Variants in ZNF426 observed in about 807,000 individuals in gnomAD.
The protein encoded by ZNF426 is CTC-543D15.7.
ZNF426 carries 23 observed loss-of-function variants against 24.0 expected under a neutral mutation model. The ratio of observed to expected loss-of-function variants is 0.96; its 90% CI spans 0.69 to 1.36. The LOEUF is 1.36. Ranked by LOEUF, ZNF426 falls within the 40% of genes most tolerant of loss-of-function variation. The pLI, the probability that ZNF426 is intolerant of heterozygous loss-of-function variation, is 0.00. For missense variants in ZNF426, 646 were observed against 658.4 expected (o/e 0.98, Z 0.21); for synonymous variants, 272 against 224.6 (o/e 1.21, Z -1.89).
At chr19:9,536,617 G>T in intron 2 of ZNF426, 1 of 266,412 alleles carries the variant, frequency 3.8e-6, no homozygotes, top group Non-Finnish European at 7.3e-6. Context: ...TACAAGTTTT[G>T]CACACACACA....
At chr19:9,535,856 A>G (rs892637270) in intron 3 of ZNF426, among the ~76,000 whole-genome samples, 2 of 151,926 alleles carry the variant, frequency 1.3e-5, no homozygotes, top group African/African-American at 2.4e-5. Context: ...AAAAGAAAAG[A>G]AAGAAAATGC....
At chr19:9,536,873 G>T (rs62105682) in intron 2 of ZNF426, among the ~76,000 whole-genome samples, 11,113 of 152,124 alleles carry the variant, frequency 0.073, 464 homozygotes, top group South Asian at 0.16. Flanking sequence ...GGTGGCTCAC[G>T]CCTGTAATCC....
At position 9,527,367 on chromosome 19, in the gene ZNF426, A is replaced by G. The variant is rs1185715035; in HGVS notation, c.*1013T>C. 1 of 152,222 alleles carries G rather than the reference A, an allele frequency of 6.6e-6. No homozygotes were observed. Among genetic ancestry groups the G allele is most frequent in the East Asian group, 1.9e-4 (1 of 5,202 alleles). The allele number at this position is 152,222 out of a possible 1,614,324, so 9.4% of individuals were successfully genotyped here. On this transcript the variant is annotated 3_prime_UTR_variant, in exon 8 of 8. Transcript: ENST00000253115. Reference sequence around the variant, plus strand: ...CCTAATGGGATTTCAGTCCACTCCAAGTTCCAGTATGGTGTATGGGGTCAC... The same window carrying G: ...CCTAATGGGATTTCAGTCCACTCCAGGTTCCAGTATGGTGTATGGGGTCAC...
At chr19:9,536,063 C>G (rs888872) in intron 3 of ZNF426, 145 bp downstream of exon 3, 893,825 of 914,156 alleles carry the variant, frequency 0.98, 437,070 homozygotes, top group East Asian at 1. Flanking sequence ...ACAGGCAGAG[C>G]CTGACTCACA....
Position 9,536,213 on chromosome 19 carries a change from G to A in ZNF426, c.20C>T (p.Ser7Phe), listed in dbSNP as rs202240220. 1.2e-6 allele frequency: 2 copies of A among 1,614,152 alleles called. No homozygotes were observed. Among genetic ancestry groups the A allele is most frequent in the African/African-American group, 1.3e-5 (1 of 75,032 alleles). Reference sequence around the variant, plus strand: ...AAAAGAGCAACAGAGCTTACCATGGGACAAATCAGCAGCTGCCATCCCGCG... The same window carrying A: ...AAAAGAGCAACAGAGCTTACCATGGAACAAATCAGCAGCTGCCATCCCGCG... MAAADL[S>F]HGHYLSGDPV... Residue 7 changes from serine (S) to phenylalanine (F), a missense_variant, in exon 3 of 8, where the codon TCC becomes TTC. Coordinates refer to ENST00000253115, the MANE Select transcript of ZNF426 (RefSeq NM_024106.3).
chr19:9,529,450 A>G lies in ZNF426; in HGVS notation c.595T>C (p.Phe199Leu). 1.2e-6 allele frequency: 2 copies of G among 1,613,938 alleles called. No individual in the cohort carries two copies. The highest frequency in any genetic ancestry group is 3.3e-4 in the Middle Eastern group (2 of 6,062). ...CTGAAGATTTTTTCACTCTGATTAA[A>G]CTCAGAAAGTTTCTCACCAGTAGAG... ...KTSTGEKLSE[F>L]NQSEKIFSLT... is the part of the protein sequence containing the mutation. Residue 199 changes from phenylalanine to leucine, a missense_variant, in exon 8 of 8, where the codon TTT (phenylalanine) becomes CTT (leucine). Coordinates refer to ENST00000253115, the MANE Select transcript of ZNF426 (RefSeq NM_024106.3).
Position 9,529,181 on chromosome 19 carries a change from GC to G in ZNF426, c.863del (p.Gly288AlafsTer96). On this transcript the variant is annotated frameshift_variant, in exon 8 of 8. Coordinates refer to ENST00000253115, the MANE Select transcript of ZNF426 (RefSeq NM_024106.3). LOFTEE classifies it low-confidence loss of function (END_TRUNC). Reference protein sequence around the residue: ...KPYKCKECGKGYRYPAYLSIH... With the variant: ...KPYKCKECGKXYRYPAYLSIH... ...TACTGAGGTAGGCTGGGTATCTATA[GC>G]CTTTTCCACATTCCTTACATTTGTA... The G allele has an allele frequency of 6.2e-7, 1 of 1,614,154 alleles. No individual in the cohort carries two copies. The highest frequency in any genetic ancestry group is 8.5e-7 in the Non-Finnish European group (1 of 1,180,028).
chr19:9,528,153 ATT>A lies in ZNF426; in HGVS notation c.*225_*226del, dbSNP rs2073818467. The A allele has an allele frequency of 2.3e-6, 1 of 426,660 alleles. No individual in the cohort carries two copies. Among genetic ancestry groups the A allele is most frequent in the Non-Finnish European group, 4.1e-6 (1 of 242,128 alleles). 26.4% of individuals were successfully genotyped at this position (426,660 alleles called of 1,614,324 possible). A position where few individuals can be genotyped will look rare whatever the true frequency, so the allele number is the denominator to read the frequency against. The stretch of plus-strand genomic sequence containing the variant: ...ACAGGTGCCCACCACACCTGGCTAA[ATT>A]TTTTGTATTTTCAGTAGAGACAAGG... On this transcript the variant is annotated 3_prime_UTR_variant, in exon 8 of 8. Transcript: ENST00000253115.
At position 9,525,365 on chromosome 19, in the gene ZNF426, A is replaced by T. The variant is rs1368011950; in HGVS notation, c.*3015T>A. Reference sequence around the variant, plus strand: ...ATCTCTCCAGAGTAAATTTTCACACATTCAATAAGGTTTGAGTAACTAGTG... The same window carrying T: ...ATCTCTCCAGAGTAAATTTTCACACTTTCAATAAGGTTTGAGTAACTAGTG... On this transcript the variant is annotated 3_prime_UTR_variant, in exon 8 of 8. Transcript: ENST00000253115. The T allele has an allele frequency of 6.6e-6, 1 of 152,242 alleles. No individual in the cohort carries two copies. The highest frequency in any genetic ancestry group is 6.5e-5 in the Admixed American group (1 of 15,286). The allele number at this position is 152,242 out of a possible 1,614,324, so 9.4% of individuals were successfully genotyped here.
In ZNF426 at chr19:9,529,293, A is replaced by T; in HGVS notation, c.752T>A (p.Leu251His). ...AHMRTHNGEK[L>H]YEWRNYGPGF... is the part of the protein sequence containing the mutation. ...TGGCCCATAATTCCTCCATTCGTAG[A>T]GTTTTTCTCCATTGTGAGTTCTCAT... The change falls in exon 8 of 8, where the codon CTC becomes CAC. Residue 251 changes from leucine to histidine, a missense_variant. By Grantham distance (99) the Leu-to-His change is moderately conservative. Coordinates refer to ENST00000253115, the MANE Select transcript of ZNF426 (RefSeq NM_024106.3). The T allele has an allele frequency of 6.2e-7, 1 of 1,613,876 alleles. No individual in the cohort carries two copies.
chr19:9,535,482 G>A (rs377200316), intron 3 of ZNF426, among the ~76,000 whole-genome samples: 1 of 152,096 alleles, frequency 6.6e-6, no homozygotes, highest in Admixed American at 6.6e-5. Flanking sequence ...TAGGCGAGAA[G>A]TTTGAGATCA....
rs572593883 is a variant in ZNF426, at chr19:9,529,361, G to T, written c.684C>A (p.His228Gln). 1.9e-6 allele frequency: 3 copies of T among 1,614,192 alleles called. No homozygotes were observed. The South Asian group carries it at 3.3e-5, about 18-fold the overall frequency. Residue 228 changes from histidine (H) to glutamine (Q), a missense_variant, in exon 8 of 8, where the codon CAC becomes CAA. Physicochemically the swap from His to Gln is conservative, Grantham distance 24. Coordinates refer to ENST00000253115, the MANE Select transcript of ZNF426 (RefSeq NM_024106.3). ...STQEKSFECS[H>Q]CGKSFINESY... Reference sequence around the variant, plus strand: ...ACTCATTAATGAAGGATTTTCCACAGTGACTACATTCAAATGACTTTTCTT... The same window carrying T: ...ACTCATTAATGAAGGATTTTCCACATTGACTACATTCAAATGACTTTTCTT...
Position 9,528,885 on chromosome 19 carries a change from G to T in ZNF426, c.1160C>A (p.Thr387Asn), listed in dbSNP as rs1171467542. The T allele has an allele frequency of 6.2e-7, 1 of 1,614,156 alleles. No individual in the cohort carries two copies. Among genetic ancestry groups the T allele is most frequent in the Non-Finnish European group, 8.5e-7 (1 of 1,180,030 alleles). Reference protein sequence around the residue: ...SRLIQHIRTHTGEKPFVCVEC... With the variant: ...SRLIQHIRTHNGEKPFVCVEC... ...AACACATACAAAAGGCTTCTCTCCAGTGTGAGTTCTTATATGTTGAATAAG... is the reference window on the plus strand; with the variant it reads ...AACACATACAAAAGGCTTCTCTCCATTGTGAGTTCTTATATGTTGAATAAG... Residue 387 changes from threonine (T) to asparagine (N), a missense_variant, in exon 8 of 8, where the codon ACT becomes AAT. Thr to Asn is a moderately conservative substitution (Grantham distance 65). Transcript: ENST00000253115.
chr19:9,529,508 A>C lies in ZNF426; in HGVS notation c.537T>G (p.Tyr179Ter). 6.2e-7 allele frequency: 1 copy of C among 1,613,432 alleles called. No individual in the cohort carries two copies. Among genetic ancestry groups the C allele is most frequent in the Middle Eastern group, 1.6e-4 (1 of 6,062 alleles). The change falls in exon 8 of 8, where the codon TAT (tyrosine) becomes TAG (stop). Residue 179 changes from tyrosine (Y) to a stop codon, truncating the protein, a stop_gained. Coordinates refer to ENST00000253115, the MANE Select transcript of ZNF426 (RefSeq NM_024106.3). LOFTEE classifies it low-confidence loss of function (END_TRUNC). The stretch of plus-strand genomic sequence containing the variant: ...CACACAGGGTAAGGAAATCTTTTCC[A>C]TACTGATTACAGTCATGAGTGTTCC... ...STGNTHDCNQ[Y>*]GKDFLTLCEK...
At position 9,527,871 on chromosome 19, in the gene ZNF426, G is replaced by A. The variant is rs1244479165; in HGVS notation, c.*509C>T. On this transcript the variant is annotated 3_prime_UTR_variant, in exon 8 of 8. Transcript: ENST00000253115. ...TTTGGCTTGCAGATGGCCATCATCT[G>A]ATGACTTCACATCATCTTCTATTTG... 1.3e-5 allele frequency: 2 copies of A among 152,722 alleles called. No individual in the cohort carries two copies. The highest frequency in any genetic ancestry group is 2.4e-5 in the African/African-American group (1 of 41,392). 9.5% of individuals were successfully genotyped at this position (152,722 alleles called of 1,614,324 possible). A position where few individuals can be genotyped will look rare whatever the true frequency, so the allele number is the denominator to read the frequency against.
In ZNF426 at chr19:9,528,403, G is replaced by T. The variant is rs1258556157; in HGVS notation, c.1642C>A (p.Arg548=). The T allele has an allele frequency of 1.9e-6, 3 of 1,585,072 alleles. No homozygotes were observed. Among genetic ancestry groups the T allele is most frequent in the Non-Finnish European group, 2.6e-6 (3 of 1,167,544 alleles). The change falls in exon 8 of 8, where the codon CGA becomes AGA. Residue 548 remains arginine (R), a synonymous_variant. Coordinates refer to ENST00000253115, the MANE Select transcript of ZNF426 (RefSeq NM_024106.3). ...GKAYSHPRSL[R]RHEQIH is the part of the protein sequence containing the mutation. The stretch of plus-strand genomic sequence containing the variant: ...CACTAGTGAATTTGTTCATGTCTTC[G>T]AAGTGAACGGGGATGACTGTAAGCT...
chr19:9,537,685 C>CT (rs2073989120), intron 2 of ZNF426, among the ~76,000 whole-genome samples: 1 of 151,740 alleles, frequency 6.6e-6, no homozygotes, highest in Non-Finnish European at 1.5e-5. Flanking sequence ...GAGGCTCACT[C>CT]TGTCTCCCAG....
chr19:9,530,725 T>G (rs548837868), intron 7 of ZNF426, among the ~76,000 whole-genome samples: 1 of 152,248 alleles, frequency 6.6e-6, no homozygotes, highest in Non-Finnish European at 1.5e-5. Context: ...ATTGCACCAC[T>G]GCACTCCAGC....
At position 9,527,035 on chromosome 19, in the gene ZNF426, T is replaced by C. The variant is rs2073800433; in HGVS notation, c.*1345A>G. 2 of 152,322 alleles carry C rather than the reference T, an allele frequency of 1.3e-5. No homozygotes were observed. The highest frequency in any genetic ancestry group is 4.1e-4 in the South Asian group (2 of 4,830). The allele number at this position is 152,322 out of a possible 1,614,324, so 9.4% of individuals were successfully genotyped here. On this transcript the variant is annotated 3_prime_UTR_variant, in exon 8 of 8. Transcript: ENST00000253115. Reference sequence around the variant, plus strand: ...TGTTTATAGGCATAAAAGTGAAATATAGTAATGATGGAAGGTCTGAGAGGG... The same window carrying C: ...TGTTTATAGGCATAAAAGTGAAATACAGTAATGATGGAAGGTCTGAGAGGG...
Sources: allele counts gnomAD v4.1 joint callset (sites outside exome capture counted in the v4.1 genomes callset), GRCh38; gene constraint gnomAD v4.1.1; transcripts MANE v1.5; gene names NCBI Gene and HGNC (gene_info 2026-07-23, HGNC 2026-07-21).